The following AGMO variants were observed in gnomAD, a reference collection of about 807,000 sequenced individuals.
AGMO encodes alkylglycerol monooxygenase, also known as glyceryl-ether monooxygenase.
Under a neutral mutation model 60.2 loss-of-function variants are expected in AGMO, and 75 were observed. The observed-to-expected ratio is 1.25, with a 90% CI of 1.03 to 1.51. The LOEUF is 1.51. Among genes scored for constraint, AGMO ranks in the 40% most tolerant of loss-of-function variants. The pLI is 0.00. For synonymous variants in AGMO, 261 were observed against 177.1 expected, an observed-to-expected ratio of 1.47 and a Z score of -3.76; for missense variants, 763 against 525.5, an observed-to-expected ratio of 1.45 and a Z score of -4.42.
chr7:15,483,556 C>A (rs1782823409), intron 3 of AGMO, among the ~76,000 whole-genome samples: 1 of 151,364 alleles, frequency 6.6e-6, no homozygotes, highest in Non-Finnish European at 1.5e-5. Flanking sequence ...GGTGACAGAG[C>A]AAGACTCTGT....
At chr7:15,235,301 C>T (rs1269241440) in intron 12 of AGMO, among the ~76,000 whole-genome samples, 2 of 151,994 alleles carry the variant, frequency 1.3e-5, no homozygotes, top group Admixed American at 6.6e-5. Flanking sequence ...AGACAAAGAC[C>T]TTGTTTGTGT....
At chr7:15,250,523 T>G (rs756198530) in intron 12 of AGMO, among the ~76,000 whole-genome samples, 8 of 150,412 alleles carry the variant, frequency 5.3e-5, no homozygotes, top group Non-Finnish European at 8.8e-5. Flanking sequence ...GAATTGAGCC[T>G]AAATGGAAAT....
intron 12 of AGMO, among the ~76,000 whole-genome samples, chr7:15,262,763 C>T (rs1783311564): frequency 6.6e-6 from 1 of 151,858 alleles, no homozygotes; most frequent in East Asian, 1.9e-4. Flanking sequence ...AACAGAGAAC[C>T]CAGAAATAAA....
intron 12 of AGMO, among the ~76,000 whole-genome samples, chr7:15,238,740 A>G (rs1297093061): frequency 6.6e-6 from 1 of 152,016 alleles, no homozygotes; most frequent in Non-Finnish European, 1.5e-5. Context: ...TGCACCAATT[A>G]AGGGAAAACT....
At chr7:15,374,153 A>T (rs1317696168) in intron 10 of AGMO, among the ~76,000 whole-genome samples, 1 of 152,180 alleles carries the variant, frequency 6.6e-6, no homozygotes, top group Non-Finnish European at 1.5e-5. Context: ...GCAATGTATA[A>T]TTATATGTGA....
chr7:15,230,230 A>T (rs575710897), intron 12 of AGMO, among the ~76,000 whole-genome samples: 2 of 152,284 alleles, frequency 1.3e-5, no homozygotes, highest in African/African-American at 4.8e-5. Flanking sequence ...ATTTTGTGAC[A>T]GAAATGGAGG....
chr7:15,227,847 C>T (rs1278426065), intron 12 of AGMO, among the ~76,000 whole-genome samples: 1 of 152,090 alleles, frequency 6.6e-6, no homozygotes, highest in Non-Finnish European at 1.5e-5. Context: ...CACAAGGTGA[C>T]AGATTTGAAC....
intron 10 of AGMO, among the ~76,000 whole-genome samples, chr7:15,370,989 A>C (rs1187702206): frequency 6.6e-6 from 1 of 152,120 alleles, no homozygotes; most frequent in Non-Finnish European, 1.5e-5. Context: ...AATGATCTTC[A>C]ACAAAGTTGA....
At chr7:15,128,906 T>C in the AGMO span, among the ~76,000 whole-genome samples, 40 of 152,212 alleles carry the variant, frequency 2.6e-4, no homozygotes, top group Middle Eastern at 3.4e-3. Context: ...AGTCAGCCAA[T>C]GTCGCTCACA....
chr7:15,351,940 A>C (rs1782257386), intron 12 of AGMO, among the ~76,000 whole-genome samples: 1 of 152,232 alleles, frequency 6.6e-6, no homozygotes, highest in African/African-American at 2.4e-5. Context: ...GAATTCGGTA[A>C]TATTGACCTA....
At chr7:15,147,926 T>C in the AGMO span, among the ~76,000 whole-genome samples, 4 of 152,222 alleles carry the variant, frequency 2.6e-5, no homozygotes, top group Non-Finnish European at 1.5e-5. Flanking sequence ...TATTATTCAA[T>C]ATAAAATATG....
intron 12 of AGMO, among the ~76,000 whole-genome samples, chr7:15,346,770 G>C (rs959014676): frequency 1.3e-5 from 2 of 151,776 alleles, no homozygotes; most frequent in African/African-American, 2.4e-5. Context: ...TTTTAGTGCA[G>C]AATATAAGCA....
chr7:15,334,900 C>G (rs1781605594), intron 12 of AGMO, among the ~76,000 whole-genome samples: 1 of 152,144 alleles, frequency 6.6e-6, no homozygotes, highest in Non-Finnish European at 1.5e-5. Flanking sequence ...TGTTCAAACT[C>G]ATGAACAATA....
chr7:15,314,567 T>C (rs1780860086), intron 12 of AGMO, among the ~76,000 whole-genome samples: 1 of 152,212 alleles, frequency 6.6e-6, no homozygotes, highest in Non-Finnish European at 1.5e-5. Context: ...CTGAAGTTTT[T>C]AGTTCACTGG....
chr7:15,217,349 A>G (rs1300240574), intron 12 of AGMO, among the ~76,000 whole-genome samples: 2 of 143,658 alleles, frequency 1.4e-5, no homozygotes, highest in Admixed American at 1.4e-4. Flanking sequence ...CACATACATA[A>G]TCTCTCTCTC....
At chr7:15,197,347 G>GTAAA (rs1781146286), downstream of AGMO, among the ~76,000 whole-genome samples, 1 of 151,726 alleles carries the variant, frequency 6.6e-6, no homozygotes, top group African/African-American at 2.4e-5. Context: ...CCACACTGAG[G>GTAAA]GATTAAATTA....
chr7:15,453,233 T>C (rs1030254219), intron 3 of AGMO, among the ~76,000 whole-genome samples: 2 of 152,012 alleles, frequency 1.3e-5, no homozygotes, highest in Admixed American at 1.3e-4. Context: ...GTTAATTATA[T>C]CTCAATAAAT....
intron 12 of AGMO, among the ~76,000 whole-genome samples, chr7:15,248,222 A>ATATCTATC (rs1171274422): frequency 1.3e-4 from 14 of 104,192 alleles, no homozygotes; most frequent in African/African-American, 4.0e-4. Flanking sequence ...ATATATATAT[A>ATATCTATC]TATCTTCATC....
At chr7:15,203,123 C>T (rs1395663506) in intron 12 of AGMO, among the ~76,000 whole-genome samples, 1 of 152,114 alleles carries the variant, frequency 6.6e-6, no homozygotes, top group Non-Finnish European at 1.5e-5. Flanking sequence ...AGGCTGAGTA[C>T]AATTACTTCA....
Sources: allele counts gnomAD v4.1 joint callset (sites outside exome capture counted in the v4.1 genomes callset), GRCh38; gene constraint gnomAD v4.1.1; transcripts MANE v1.5; gene names NCBI Gene and HGNC (gene_info 2026-07-23, HGNC 2026-07-21).